ACSM1: variants seen among roughly 807,000 people sequenced by gnomAD.
ACSM1 encodes acyl-CoA synthetase medium chain family member 1.
ACSM1 carries 79 observed loss-of-function variants against 75.8 expected under a neutral mutation model. The observed-to-expected ratio is 1.04, with a 90% CI of 0.87 to 1.26. ACSM1 has a LOEUF of 1.26. Ranked by LOEUF, ACSM1 falls within the 50% of genes most tolerant of loss-of-function variation. ACSM1 has a pLI of 0.00. For synonymous variants in ACSM1, 279 were observed against 265.8 expected (o/e 1.05, Z -0.48); for missense variants, 676 against 720.1 (o/e 0.94, Z 0.70).
In ACSM1 at chr16:20,627,824, ATCTCTCTCTC is replaced by A. The variant is rs68102086; in HGVS notation, c.1300-518_1300-509del. 1.3e-3 allele frequency among the ~76,000 whole-genome samples: 125 copies of A among 99,168 alleles called. 2 individuals carry two copies. Among genetic ancestry groups the A allele is most frequent in the East Asian group, 3.0e-3 (8 of 2,666 alleles). 65.1% of individuals were successfully genotyped at this position (99,168 alleles called of 152,430 possible). ...AGCTTGGGCAACAGAGTGAGACTTC[ATCTCTCTCTC>A]TCTCTCTCTCTCTCTCTCTCTCTCT... is the stretch of plus-strand genomic sequence containing the variant. On this transcript the variant is annotated intron_variant, in intron 10 of 13. Transcript: ENST00000520010.
intron 1 of ACSM1, 40 bp from the exon 2 acceptor site, chr16:20,691,279 A>C: frequency 9.0e-7 from 1 of 1,106,690 alleles, no homozygotes; most frequent in Non-Finnish European, 1.3e-6. Context: ...GTGTATCCAA[A>C]ACTTTCTCCC....
At chr16:20,658,739 C>T (rs1461719109) in intron 7 of ACSM1, among the ~76,000 whole-genome samples, 6 of 152,192 alleles carry the variant, frequency 3.9e-5, no homozygotes, top group Admixed American at 3.3e-4. Context: ...TATTGAGGAA[C>T]AGGTGTTTCT....
At chr16:20,663,948 T>G (rs979752158) in intron 6 of ACSM1, among the ~76,000 whole-genome samples, 5 of 152,032 alleles carry the variant, frequency 3.3e-5, no homozygotes, top group African/African-American at 1.2e-4. Context: ...AATTGGCACT[T>G]AGTAGGTGTT....
Position 20,691,239 on chromosome 16 carries a change from C to T in ACSM1, c.-51G>A. On this transcript the variant is annotated splice_region_variant and 5_prime_UTR_variant, in exon 2 of 14. Coordinates refer to ENST00000520010, the MANE Select transcript of ACSM1 (RefSeq NM_001318890.3). ...CACAGAGTTCTCAAGTCACCACCTGCCTTGGGAAGAGATGGCTAATAGATT... is the reference window on the plus strand; with the variant it reads ...CACAGAGTTCTCAAGTCACCACCTGTCTTGGGAAGAGATGGCTAATAGATT... 1.4e-6 allele frequency: 2 copies of T among 1,437,988 alleles called. No homozygotes were observed. The highest frequency in any genetic ancestry group is 9.3e-7 in the Non-Finnish European group (1 of 1,079,258). The allele number at this position is 1,437,988 out of a possible 1,614,324, so 89.1% of individuals were successfully genotyped here. A position where few individuals can be genotyped will look rare whatever the true frequency, so the allele number is the denominator to read the frequency against.
intron 10 of ACSM1, among the ~76,000 whole-genome samples, chr16:20,633,645 G>GT (rs34327518): frequency 0.29 from 44,560 of 152,038 alleles, 7,990 homozygotes; most frequent in African/African-American, 0.5. Flanking sequence ...AATCCCAATG[G>GT]TTTTTTGTTG....
intron 4 of ACSM1, among the ~76,000 whole-genome samples, chr16:20,675,651 G>T (rs1369313501): frequency 6.6e-6 from 1 of 152,210 alleles, no homozygotes; most frequent in Non-Finnish European, 1.5e-5. Context: ...GACATACTGT[G>T]AATTAGAATA....
chr16:20,692,439 C>T (rs1184248343), intron 1 of ACSM1, among the ~76,000 whole-genome samples: 1 of 152,098 alleles, frequency 6.6e-6, no homozygotes, highest in African/African-American at 2.4e-5. Context: ...TATTTGAAGA[C>T]CTGGGATTAA....
chr16:20,645,489 C>A (rs234286), intron 7 of ACSM1, among the ~76,000 whole-genome samples: 14,690 of 152,266 alleles, frequency 0.096, 789 homozygotes, highest in East Asian at 0.21. Flanking sequence ...TAGCTAAATT[C>A]TCAGATAACC....
intron 6 of ACSM1, among the ~76,000 whole-genome samples, chr16:20,663,762 T>C (rs1310832940): frequency 6.6e-6 from 1 of 152,210 alleles, no homozygotes; most frequent in Non-Finnish European, 1.5e-5. Context: ...TTTTAGATCT[T>C]TATCAAGCTC....
chr16:20,672,471 A>AAAAAAAAATATAT (rs1555473775), intron 4 of ACSM1, among the ~76,000 whole-genome samples: 14 of 64,562 alleles, frequency 2.2e-4, no homozygotes, highest in African/African-American at 3.1e-4. Context: ...AAAAAAAAAA[A>AAAAAAAAATATAT]ATATATATAT....
At chr16:20,660,675 G>C (rs1167203427) in intron 7 of ACSM1, among the ~76,000 whole-genome samples, 1 of 152,116 alleles carries the variant, frequency 6.6e-6, no homozygotes, top group Non-Finnish European at 1.5e-5. Flanking sequence ...ATAATTCAGA[G>C]TTAGCTCTGT....
intron 5 of ACSM1, 27 bp downstream of exon 5, chr16:20,671,504 C>G (rs959456008): frequency 1.8e-5 from 28 of 1,580,420 alleles, no homozygotes; most frequent in Non-Finnish European, 2.4e-5. Context: ...CTGGGTCCAG[C>G]CTCTATGTCG....
chr16:20,638,725 AC>A (rs1437487270), intron 8 of ACSM1, among the ~76,000 whole-genome samples: 1 of 152,182 alleles, frequency 6.6e-6, no homozygotes, highest in Non-Finnish European at 1.5e-5. Flanking sequence ...TGAGACTTGG[AC>A]CCAGGTCTGT....
intron 3 of ACSM1, 84 bp downstream of exon 3, chr16:20,685,109 C>G: frequency 6.9e-7 from 1 of 1,449,536 alleles, no homozygotes; most frequent in East Asian, 2.3e-5. Context: ...CAGTGCCAGG[C>G]TGGGTGCACA....
At chr16:20,670,114 A>G (rs2019814184) in intron 5 of ACSM1, 128 bp from the exon 6 acceptor site, 5 of 872,638 alleles carry the variant, frequency 5.7e-6, no homozygotes, top group Non-Finnish European at 8.9e-6. Context: ...GTGGGGCTCC[A>G]TACCACCCTC....
intron 5 of ACSM1, among the ~76,000 whole-genome samples, chr16:20,670,243 G>A (rs949445248): frequency 6.6e-6 from 1 of 152,144 alleles, no homozygotes; most frequent in African/African-American, 2.4e-5. Flanking sequence ...AACCAGACAT[G>A]TCATCCCTAT....
intron 2 of ACSM1, among the ~76,000 whole-genome samples, chr16:20,690,076 G>C (rs1288083377): frequency 6.6e-6 from 1 of 152,214 alleles, no homozygotes; most frequent in Non-Finnish European, 1.5e-5. Flanking sequence ...TTTTCTTGAG[G>C]TTACTATGCA....
At chr16:20,666,067 G>A (rs1198438856) in intron 6 of ACSM1, among the ~76,000 whole-genome samples, 2 of 152,162 alleles carry the variant, frequency 1.3e-5, no homozygotes, top group East Asian at 3.9e-4. Context: ...CATGCGAATT[G>A]GAAAAAGTGT....
At chr16:20,656,876 C>G (rs2018992420) in intron 7 of ACSM1, among the ~76,000 whole-genome samples, 2 of 149,240 alleles carry the variant, frequency 1.3e-5, no homozygotes, top group South Asian at 4.3e-4. Context: ...AGACCAAACC[C>G]TCCAAATCAA....
Sources: gnomAD v4.1 joint callset for allele counts (sites outside exome capture counted in the v4.1 genomes callset) on GRCh38, gnomAD v4.1.1 for gene constraint, MANE v1.5 for transcripts, NCBI Gene and HGNC (gene_info 2026-07-23, HGNC 2026-07-21) for gene names.